TRAF2: variants seen among roughly 807,000 people sequenced by gnomAD.
TRAF2 encodes TNF receptor associated factor 2, also known as TNF receptor-associated factor 2.
A neutral mutation model predicts 55.6 loss-of-function variants in TRAF2; 6 were observed. That is an observed-to-expected ratio of 0.11 (90% CI 0.06 to 0.21). TRAF2 has a LOEUF of 0.21. Ranked by LOEUF, TRAF2 falls within the 10% of genes least tolerant of loss-of-function variation. The pLI is 1.00. For missense variants in TRAF2, 561 were observed against 684.5 expected (o/e 0.82, Z 2.01); for synonymous variants, 329 against 276.3 (o/e 1.19, Z -1.89).
chr9:136,921,507 C>T (rs932132556), intron 9 of TRAF2, among the ~76,000 whole-genome samples: 3 of 151,208 alleles, frequency 2.0e-5, no homozygotes, highest in African/African-American at 4.8e-5. Flanking sequence ...CTCTGGCACA[C>T]AGCCCTAAAG....
chr9:136,919,017 G>A (rs1042045207), intron 7 of TRAF2, among the ~76,000 whole-genome samples: 4 of 128,324 alleles, frequency 3.1e-5, no homozygotes, highest in Admixed American at 7.7e-5. Context: ...TTACAGGTGT[G>A]AGCCACTGCA....
intron 1 of TRAF2, among the ~76,000 whole-genome samples, chr9:136,892,866 ACT>A (rs1317165219): frequency 5.3e-5 from 8 of 152,308 alleles, no homozygotes; most frequent in Non-Finnish European, 1.0e-4. Context: ...ACAGAGCAAG[ACT>A]CTGTCTCACA....
chr9:136,898,195 G>C (rs182904945), intron 1 of TRAF2, among the ~76,000 whole-genome samples: 1 of 152,328 alleles, frequency 6.6e-6, no homozygotes, highest in Admixed American at 6.5e-5. Flanking sequence ...TGGTCTGGCG[G>C]CATGGCTCTC....
chr9:136,907,007 G>A (rs1487243470), intron 4 of TRAF2, among the ~76,000 whole-genome samples: 2 of 152,234 alleles, frequency 1.3e-5, no homozygotes, highest in Admixed American at 6.5e-5. Flanking sequence ...CCTCACATTC[G>A]GGCAGAGCCC....
chr9:136,921,261 G>A (rs900773138), intron 9 of TRAF2, 46 bp downstream of exon 9: 1 of 1,607,934 alleles, frequency 6.2e-7, no homozygotes, highest in Non-Finnish European at 8.5e-7. Flanking sequence ...TGTTTACTTG[G>A]CACCTGGGTC....
chr9:136,922,984 G>C (rs971918986), intron 9 of TRAF2, among the ~76,000 whole-genome samples: 34 of 152,144 alleles, frequency 2.2e-4, no homozygotes, highest in African/African-American at 8.2e-4. Flanking sequence ...GAGGACGGAA[G>C]GGTGGTCCTG....
intron 1 of TRAF2, among the ~76,000 whole-genome samples, chr9:136,887,952 C>T (rs1849491211): frequency 6.6e-6 from 1 of 152,052 alleles, no homozygotes; most frequent in East Asian, 1.9e-4. Context: ...TCACTGCAGC[C>T]TCCGCCTCCT....
At chr9:136,915,173 C>G (rs1287599665) in intron 6 of TRAF2, among the ~76,000 whole-genome samples, 3 of 152,044 alleles carry the variant, frequency 2.0e-5, no homozygotes, top group African/African-American at 7.2e-5. Context: ...GAGAGAAACT[C>G]CGTCTCAAAA....
rs148067860 is a variant in TRAF2 at position 136,890,939 on chromosome 9, C to T, written c.-29+4398C>T. 1.2e-4 allele frequency among the ~76,000 whole-genome samples: 19 copies of T among 152,262 alleles called. 1 individual carries two copies. Among genetic ancestry groups the T allele is most frequent in the East Asian group, 9.7e-4 (5 of 5,166 alleles). On this transcript the variant is annotated intron_variant, in intron 1 of 10. Transcript: ENST00000247668. ...AGGACGTGCACTTTGTTGTGAACCTCGGCTCACTGCAGCCTCCTCCTCCCC... is the reference window on the plus strand; with the variant it reads ...AGGACGTGCACTTTGTTGTGAACCTTGGCTCACTGCAGCCTCCTCCTCCCC...
chr9:136,892,380 C>T lies in TRAF2; in HGVS notation c.-29+5839C>T, dbSNP rs17243697. Among the ~76,000 whole-genome samples, 1,294 of 152,154 alleles carry T rather than the reference C, an allele frequency of 8.5e-3. 24 individuals carry two copies. The highest frequency in any genetic ancestry group is 0.03 in the African/African-American group (1,229 of 41,522). On this transcript the variant is annotated intron_variant, in intron 1 of 10. Coordinates refer to ENST00000247668, the MANE Select transcript of TRAF2 (RefSeq NM_021138.4). Reference sequence around the variant, plus strand: ...TTGGGAGGCTGAGGCAGGAGAATGGCGTGAACCTGGGCGGTGGAGGTTGCA... The same window carrying T: ...TTGGGAGGCTGAGGCAGGAGAATGGTGTGAACCTGGGCGGTGGAGGTTGCA...
rs141087945 is a variant in TRAF2, at chr9:136,889,305, C to G, written c.-29+2764C>G. 4.4e-3 allele frequency among the ~76,000 whole-genome samples: 629 copies of G among 142,736 alleles called. 5 individuals carry two copies. Among genetic ancestry groups the G allele is most frequent in the African/African-American group, 0.016 (604 of 38,732 alleles). The allele number at this position is 142,736 out of a possible 152,430, so 93.6% of individuals were successfully genotyped here. ...GGCCTTTTTTTTTCTTTTTTTGAGA[C>G]AGAGTTTCGCTCTTGTTGCCCAGGC... On this transcript the variant is annotated intron_variant, in intron 1 of 10. Transcript: ENST00000247668.
intron 4 of TRAF2, among the ~76,000 whole-genome samples, chr9:136,904,694 C>T (rs903518123): frequency 5.3e-5 from 8 of 152,070 alleles, no homozygotes; most frequent in Admixed American, 2.0e-4. Context: ...AGGCGTTAGC[C>T]ACCGCGCCTG....
At chr9:136,895,882 G>A (rs956112483) in intron 1 of TRAF2, among the ~76,000 whole-genome samples, 23 of 149,254 alleles carry the variant, frequency 1.5e-4, no homozygotes, top group Non-Finnish European at 3.3e-4. Flanking sequence ...GAATGGTTCT[G>A]AGAAGTCATT....
At chr9:136,887,051 A>G (rs1056875409) in intron 1 of TRAF2, among the ~76,000 whole-genome samples, 1 of 151,966 alleles carries the variant, frequency 6.6e-6, no homozygotes, top group Admixed American at 6.5e-5. Context: ...GTCGGGGAAG[A>G]CCAGTGAGGC....
chr9:136,923,973 C>T lies in TRAF2; in HGVS notation c.1260C>T (p.Ala420=). Reference sequence around the variant, plus strand: ...TGGTGATGAAGGGCCCGAATGACGCCCTGCTGCGGTGGCCCTTCAACCAGA... The same window carrying T: ...TGGTGATGAAGGGCCCGAATGACGCTCTGCTGCGGTGGCCCTTCAACCAGA... ...FFVVMKGPND[A]LLRWPFNQKV... is the part of the protein sequence containing the mutation. Residue 420 remains alanine (A), a synonymous_variant, in exon 10 of 11, where the codon GCC becomes GCT. Transcript: ENST00000247668. 6.2e-7 allele frequency: 1 copy of T among 1,613,716 alleles called. No homozygotes were observed. Among genetic ancestry groups the T allele is most frequent in the Non-Finnish European group, 8.5e-7 (1 of 1,179,972 alleles).
At chr9:136,899,079 A>T in intron 2 of TRAF2, 151 bp downstream of exon 2, 2 of 782,218 alleles carry the variant, frequency 2.6e-6, no homozygotes, top group Non-Finnish European at 2.0e-6. Flanking sequence ...GGTTTACCAC[A>T]AAGAATGTAA....
chr9:136,897,078 A>G (rs1472966244), intron 1 of TRAF2, among the ~76,000 whole-genome samples: 1 of 152,168 alleles, frequency 6.6e-6, no homozygotes, highest in Admixed American at 6.5e-5. Flanking sequence ...GTTCCCACAC[A>G]ACAGGGGCTC....
At chr9:136,903,022 A>C (rs534001618) in intron 4 of TRAF2, among the ~76,000 whole-genome samples, 1 of 152,058 alleles carries the variant, frequency 6.6e-6, no homozygotes, top group Non-Finnish European at 1.5e-5. Flanking sequence ...GCTAGAGTGC[A>C]GTGGCGTGAC....
At chr9:136,907,614 C>T (rs547912249) in intron 4 of TRAF2, among the ~76,000 whole-genome samples, 2 of 152,338 alleles carry the variant, frequency 1.3e-5, no homozygotes, top group Admixed American at 6.5e-5. Flanking sequence ...CTCTTCACAC[C>T]TCCCACCTGC....
Sources: gnomAD v4.1 joint callset for allele counts (sites outside exome capture counted in the v4.1 genomes callset) on GRCh38, gnomAD v4.1.1 for gene constraint, MANE v1.5 for transcripts, NCBI Gene and HGNC (gene_info 2026-07-23, HGNC 2026-07-21) for gene names.